The following SCMH1 variants were observed in gnomAD, a reference collection of about 807,000 sequenced individuals.
SCMH1 encodes the protein polycomb protein SCMH1.
Under a neutral mutation model 70.8 loss-of-function variants are expected in SCMH1, and 37 were observed. The observed-to-expected ratio is 0.52, with a 90% confidence interval of 0.40 to 0.69. The LOEUF (loss-of-function observed/expected upper bound fraction) is 0.69. Ranked by LOEUF, SCMH1 falls within the 30% of genes least tolerant of loss-of-function variation. SCMH1 has a pLI of 0.00. For missense variants in SCMH1, 607 were observed against 827.3 expected (o/e 0.73, Z 3.27); for synonymous variants, 292 against 307.4 (o/e 0.95, Z 0.52).
chr1:41,165,894 T>C (rs1025415296), intron 2 of SCMH1, among the ~76,000 whole-genome samples: 18 of 152,130 alleles, frequency 1.2e-4, no homozygotes, highest in African/African-American at 3.6e-4. Flanking sequence ...TGCAATTCCA[T>C]TTGTCTATTT....
intron 10 of SCMH1, among the ~76,000 whole-genome samples, chr1:41,068,274 C>G (rs1558601429): frequency 1.3e-5 from 2 of 151,768 alleles, no homozygotes; most frequent in African/African-American, 2.4e-5. Flanking sequence ...GAAAGTTGAC[C>G]AAAAGGCAAA....
intron 12 of SCMH1, among the ~76,000 whole-genome samples, chr1:41,040,729 T>C (rs1201431602): frequency 3.3e-5 from 5 of 152,062 alleles, no homozygotes. Context: ...CCGGGCGTGG[T>C]GGTGCATGCC....
At chr1:41,039,481 T>TC (rs1645796715) in intron 12 of SCMH1, among the ~76,000 whole-genome samples, 1 of 145,956 alleles carries the variant, frequency 6.9e-6, no homozygotes, top group South Asian at 2.1e-4. Context: ...TGCAAATACT[T>TC]TTTTTTTTTT....
intron 6 of SCMH1, among the ~76,000 whole-genome samples, chr1:41,130,622 A>G (rs1334542562): frequency 1.3e-5 from 2 of 152,222 alleles, no homozygotes; most frequent in Admixed American, 6.5e-5. Context: ...GTAAGTATAA[A>G]AAATTAGCTT....
chr1:41,103,593 A>G (rs1255565712), intron 8 of SCMH1, among the ~76,000 whole-genome samples: 1 of 152,184 alleles, frequency 6.6e-6, no homozygotes, highest in Admixed American at 6.5e-5. Flanking sequence ...TGCCAAAAAA[A>G]CCCTATATGG....
At chr1:41,196,019 C>T (rs897500318) in intron 1 of SCMH1, among the ~76,000 whole-genome samples, 5 of 151,852 alleles carry the variant, frequency 3.3e-5, no homozygotes, top group Non-Finnish European at 7.4e-5. Flanking sequence ...CGGCTAAAGA[C>T]TTGTACACTG....
Position 41,142,995 on chromosome 1 carries a change from G to A in SCMH1, c.295C>T (p.Arg99Cys), listed in dbSNP as rs758985486. ...TTGTCGCTCCCATCAAGGCGCAGGC[G>A]AAGGCGGGCACCTGTCAGTCCAACT... The change falls in exon 6 of 15, where the codon CGC (arginine) becomes TGC (cysteine). Residue 99 changes from arginine to cysteine, a missense_variant. Transcript: ENST00000337495. The A allele has an allele frequency of 3.7e-6, 6 of 1,614,036 alleles. No homozygotes were observed. In the Admixed American group the frequency reaches 8.3e-5, roughly 22 times the overall value.
chr1:41,046,813 C>T, intron 11 of SCMH1: 1 of 550,094 alleles, frequency 1.8e-6, no homozygotes, highest in South Asian at 2.4e-5. Context: ...TGGGAGTGGC[C>T]AGGCCAGGTC....
At chr1:41,176,935 T>G (rs1337593977) in intron 2 of SCMH1, among the ~76,000 whole-genome samples, 1 of 152,166 alleles carries the variant, frequency 6.6e-6, no homozygotes, top group Non-Finnish European at 1.5e-5. Flanking sequence ...AATCTGAGAA[T>G]GGACAGACTG....
intron 8 of SCMH1, among the ~76,000 whole-genome samples, chr1:41,106,365 A>G (rs542468112): frequency 3.7e-4 from 56 of 151,624 alleles, no homozygotes; most frequent in African/African-American, 1.3e-3. Flanking sequence ...CCCCCTCCCC[A>G]CACTGCCATC....
intron 6 of SCMH1, among the ~76,000 whole-genome samples, chr1:41,118,538 T>A (rs188115780): frequency 3.9e-4 from 60 of 152,288 alleles, no homozygotes; most frequent in African/African-American, 1.0e-3. Context: ...CTTGCACACA[T>A]ACACACACCA....
intron 8 of SCMH1, among the ~76,000 whole-genome samples, chr1:41,087,028 G>T (rs1199724315): frequency 2.0e-5 from 3 of 152,034 alleles, no homozygotes; most frequent in African/African-American, 7.2e-5. Flanking sequence ...TGTGGTACTG[G>T]TACACCAATG....
At chr1:41,089,447 G>A (rs1374790587) in intron 8 of SCMH1, among the ~76,000 whole-genome samples, 2 of 152,120 alleles carry the variant, frequency 1.3e-5, no homozygotes, top group Admixed American at 6.5e-5. Context: ...ACTTGAAAAT[G>A]TATTAACAAT....
intron 8 of SCMH1, among the ~76,000 whole-genome samples, chr1:41,094,820 C>T (rs1203097056): frequency 1.3e-5 from 2 of 151,008 alleles, no homozygotes; most frequent in African/African-American, 4.9e-5. Context: ...ACCCAGAAGG[C>T]GGAGGTTGCA....
chr1:41,242,230 G>GGGGCGGGGGCTCCCC (rs1663754686), upstream of SCMH1: 2 of 145,216 alleles, frequency 1.4e-5, no homozygotes, highest in Non-Finnish European at 3.1e-5. The surrounding 1 kb of genome is among the most constrained non-coding windows in gnomAD (Gnocchi z 5.2). Context: ...GGCGGGGGGC[G>GGGGCGGGGGCTCCCC]GGGCGGGGGC....
chr1:41,120,843 T>C (rs1178721688), intron 6 of SCMH1, among the ~76,000 whole-genome samples: 1 of 152,182 alleles, frequency 6.6e-6, no homozygotes, highest in Non-Finnish European at 1.5e-5. Flanking sequence ...CAGGACTTCT[T>C]ATTTGGTTCT....
At chr1:41,090,290 T>C (rs951113497) in intron 8 of SCMH1, among the ~76,000 whole-genome samples, 6 of 152,212 alleles carry the variant, frequency 3.9e-5, no homozygotes, top group Non-Finnish European at 8.8e-5. Flanking sequence ...AAATTATATT[T>C]TCCAAAACAA....
At chr1:41,178,354 C>T (rs1647616606) in intron 2 of SCMH1, among the ~76,000 whole-genome samples, 1 of 152,146 alleles carries the variant, frequency 6.6e-6, no homozygotes, top group Non-Finnish European at 1.5e-5. Context: ...AACCAGCTAA[C>T]ATCATAATGA....
At chr1:41,167,903 C>G (rs1646513309) in intron 2 of SCMH1, among the ~76,000 whole-genome samples, 2 of 131,654 alleles carry the variant, frequency 1.5e-5, no homozygotes, top group Admixed American at 1.8e-4. Flanking sequence ...GCTTTGCTGG[C>G]AGTGTTTTGT....
Sources: allele counts gnomAD v4.1 joint callset (sites outside exome capture counted in the v4.1 genomes callset), GRCh38; gene constraint gnomAD v4.1.1; non-coding constraint Gnocchi (gnomAD v3.1); transcripts MANE v1.5; gene names NCBI Gene and HGNC (gene_info 2026-07-23, HGNC 2026-07-21).